POFUT3: variants seen among roughly 807,000 people sequenced by gnomAD.
POFUT3 encodes the protein protein O-fucosyltransferase 3, also known as GDP-fucose protein O-fucosyltransferase 3.
At chr8:33,338,498 T>G in the POFUT3 span, among the ~76,000 whole-genome samples, 1 of 152,154 alleles carries the variant, frequency 6.6e-6, no homozygotes, top group Non-Finnish European at 1.5e-5. Context: ...CCTCCTACAG[T>G]GTCAATGGAG....
the POFUT3 span, among the ~76,000 whole-genome samples, chr8:33,323,542 A>G: frequency 1.6e-3 from 246 of 152,320 alleles, 3 homozygotes; most frequent in South Asian, 0.032. Flanking sequence ...TATATTGCAC[A>G]GCACAGAATA....
chr8:33,470,768 A>G, the POFUT3 span, among the ~76,000 whole-genome samples: 3 of 152,218 alleles, frequency 2.0e-5, no homozygotes, highest in African/African-American at 7.2e-5. Context: ...GTTCAGTAAC[A>G]CTGACAAAAT....
chr8:33,437,398 A>G, the POFUT3 span, among the ~76,000 whole-genome samples: 89,161 of 151,664 alleles, frequency 0.59, 26,536 homozygotes, highest in African/African-American at 0.63. Flanking sequence ...TTAAAAAAAA[A>G]AAAAAAGCAG....
At chr8:33,435,010 G>C in the POFUT3 span, among the ~76,000 whole-genome samples, 1 of 152,122 alleles carries the variant, frequency 6.6e-6, no homozygotes, top group African/African-American at 2.4e-5. Flanking sequence ...GAGTGCTGGG[G>C]CAAACTTTGA....
chr8:33,370,117 A>T, the POFUT3 span, among the ~76,000 whole-genome samples: 1 of 139,982 alleles, frequency 7.1e-6, no homozygotes, highest in African/African-American at 2.6e-5. Flanking sequence ...GGGTCACTTA[A>T]GGGCAGGAAT....
chr8:33,467,102 T>C, the POFUT3 span, among the ~76,000 whole-genome samples: 1 of 148,576 alleles, frequency 6.7e-6, no homozygotes. Context: ...CGAGACTCTG[T>C]CTCAAAAAAA....
At chr8:33,448,686 C>T in the POFUT3 span, among the ~76,000 whole-genome samples, 2 of 152,078 alleles carry the variant, frequency 1.3e-5, no homozygotes, top group African/African-American at 4.8e-5. Context: ...GTAATCCCAG[C>T]ACTTTGGGAG....
the POFUT3 span, chr8:33,389,150 G>C: frequency 6.2e-7 from 1 of 1,614,064 alleles, no homozygotes; most frequent in African/African-American, 1.3e-5. Context: ...TCTGTCATCA[G>C]AATCCAGTCG....
chr8:33,426,032 T>C, the POFUT3 span, among the ~76,000 whole-genome samples: 1 of 152,026 alleles, frequency 6.6e-6, no homozygotes, highest in African/African-American at 2.4e-5. Context: ...GCCTCCTGAG[T>C]AACTGGGATT....
At chr8:33,315,856 G>A in the POFUT3 span, among the ~76,000 whole-genome samples, 3 of 151,998 alleles carry the variant, frequency 2.0e-5, no homozygotes, top group South Asian at 4.2e-4. Context: ...CCTTCATGAC[G>A]GATCATTTAA....
the POFUT3 span, among the ~76,000 whole-genome samples, chr8:33,436,978 T>G: frequency 6.6e-6 from 1 of 152,150 alleles, no homozygotes; most frequent in African/African-American, 2.4e-5. Flanking sequence ...GGGTACCCTA[T>G]GTTGAGTTAC....
the POFUT3 span, among the ~76,000 whole-genome samples, chr8:33,377,262 G>A: frequency 5.9e-5 from 9 of 151,426 alleles, no homozygotes; most frequent in Non-Finnish European, 1.2e-4. Flanking sequence ...ACTATAAAAG[G>A]GGAAGTTTCA....
the POFUT3 span, among the ~76,000 whole-genome samples, chr8:33,429,653 A>G: frequency 0.58 from 88,121 of 151,356 alleles, 25,885 homozygotes; most frequent in African/African-American, 0.61. Context: ...AGGAGGTACG[A>G]GTGCATGCAA....
chr8:33,383,366 G>A, the POFUT3 span, among the ~76,000 whole-genome samples: 2 of 152,156 alleles, frequency 1.3e-5, no homozygotes, highest in Admixed American at 6.5e-5. Context: ...CCCATTGCTG[G>A]TGGTAAATCC....
chr8:33,389,080 C>T, the POFUT3 span: 1 of 1,614,172 alleles, frequency 6.2e-7, no homozygotes, highest in South Asian at 1.1e-5. Context: ...TGAGAGCTGT[C>T]AGAAGTCGCT....
the POFUT3 span, among the ~76,000 whole-genome samples, chr8:33,320,006 A>G: frequency 2.0e-5 from 3 of 151,362 alleles, no homozygotes; most frequent in African/African-American, 4.9e-5. Context: ...GGAATAGACT[A>G]TACCATCCTC....
chr8:33,374,024 C>G, the POFUT3 span, among the ~76,000 whole-genome samples: 1 of 152,166 alleles, frequency 6.6e-6, no homozygotes, highest in African/African-American at 2.4e-5. Context: ...GTTCCCTGGC[C>G]TGTTAGGAAC....
At chr8:33,393,156 T>C in the POFUT3 span, among the ~76,000 whole-genome samples, 4 of 152,214 alleles carry the variant, frequency 2.6e-5, no homozygotes, top group African/African-American at 9.6e-5. Context: ...CAATGCCTAC[T>C]GTAACAAGAG....
chr8:33,374,878 CTTTTT>C, the POFUT3 span, among the ~76,000 whole-genome samples: 5 of 141,596 alleles, frequency 3.5e-5, no homozygotes, highest in Middle Eastern at 3.7e-3. Flanking sequence ...CTTTTCTTTT[CTTTTT>C]TTTTTTTTGA....
Sources: gnomAD v4.1 joint callset for allele counts (sites outside exome capture counted in the v4.1 genomes callset) on GRCh38, gnomAD v4.1.1 for gene constraint, MANE v1.5 for transcripts, NCBI Gene and HGNC (gene_info 2026-07-23, HGNC 2026-07-21) for gene names.